The following FAM90A20 variants were observed in gnomAD, a reference collection of about 807,000 sequenced individuals.
FAM90A20 encodes family with sequence similarity 90 member A20.
the FAM90A20 span, chr8:7,297,145 A>T: frequency 6.5e-7 from 1 of 1,527,122 alleles, no homozygotes. Flanking sequence ...CAGCTACCGA[A>T]ATGTCTGGCA....
the FAM90A20 span, chr8:7,296,407 A>G: frequency 2.7e-6 from 2 of 739,534 alleles, no homozygotes; most frequent in Non-Finnish European, 4.9e-6. Context: ...GGTGAGTGTC[A>G]CCCCGGGCCC....
the FAM90A20 span, among the ~76,000 whole-genome samples, chr8:7,296,816 G>A: frequency 6.6e-5 from 9 of 136,172 alleles, 2 homozygotes; most frequent in African/African-American, 1.0e-4. Context: ...TCCAGTTAAT[G>A]CCCAAGACGC....
chr8:7,297,742 T>G, the FAM90A20 span: 1 of 1,485,372 alleles, frequency 6.7e-7, no homozygotes, highest in Non-Finnish European at 9.1e-7. Flanking sequence ...CTTGCCTGCC[T>G]ACTGCCCAGG....
chr8:7,296,594 C>A, the FAM90A20 span, among the ~76,000 whole-genome samples: 14 of 135,558 alleles, frequency 1.0e-4, 2 homozygotes, highest in Admixed American at 2.7e-4. Context: ...CTGTGGCTTT[C>A]TTTCTGTCCA....
chr8:7,297,050 C>A, the FAM90A20 span: 2 of 1,487,804 alleles, frequency 1.3e-6, no homozygotes, highest in South Asian at 1.2e-5. Flanking sequence ...TGTGTTGTTT[C>A]CTCTCTTTCA....
the FAM90A20 span, chr8:7,296,922 C>G: frequency 1.4e-6 from 1 of 703,478 alleles, no homozygotes; most frequent in South Asian, 1.7e-5. Flanking sequence ...GGTGGAGGGT[C>G]TGTCCCTACT....
the FAM90A20 span, chr8:7,296,983 C>G: frequency 2.2e-3 from 2,693 of 1,243,640 alleles, 169 homozygotes; most frequent in Non-Finnish European, 2.5e-3. Context: ...GTGTGTGCAC[C>G]TTGTCTTTGG....
chr8:7,297,799 G>A, the FAM90A20 span: 45 of 1,225,268 alleles, frequency 3.7e-5, 1 homozygote, highest in East Asian at 2.3e-5. Flanking sequence ...ATGGGGCCCA[G>A]CCTCTCAGAG....
At chr8:7,296,535 T>G in the FAM90A20 span, 8 of 619,786 alleles carry the variant, frequency 1.3e-5, 2 homozygotes, top group Middle Eastern at 8.5e-4. Flanking sequence ...CCACGATCCT[T>G]GCAGGTCAGT....
At chr8:7,297,366 A>G in the FAM90A20 span, 1 of 1,477,124 alleles carries the variant, frequency 6.8e-7, no homozygotes. Context: ...GCTGCCTCCA[A>G]AACCCACGGC....
the FAM90A20 span, chr8:7,297,444 C>G: frequency 5.1e-6 from 8 of 1,554,214 alleles, 1 homozygote; most frequent in Non-Finnish European, 6.9e-6. Context: ...CCCTGCCCAT[C>G]AGCCGCCACA....
At chr8:7,296,212 G>C in the FAM90A20 span, 1 of 661,978 alleles carries the variant, frequency 1.5e-6, no homozygotes, top group Non-Finnish European at 2.7e-6. Context: ...ACGGAATGGG[G>C]CTGGGCCCCA....
At chr8:7,298,013 G>A in the FAM90A20 span, 1 of 670,874 alleles carries the variant, frequency 1.5e-6, no homozygotes, top group Non-Finnish European at 2.5e-6. Context: ...CAGCGATTCT[G>A]ACCTGGAGTG....
the FAM90A20 span, chr8:7,295,553 A>G: frequency 2.0e-5 from 13 of 657,134 alleles, 2 homozygotes; most frequent in Admixed American, 8.3e-5. Context: ...TGAATTCACA[A>G]TCCATCCCAA....
chr8:7,296,350 C>G, the FAM90A20 span: 3 of 744,460 alleles, frequency 4.0e-6, no homozygotes, highest in Non-Finnish European at 7.3e-6. Context: ...TCCAGAGAAG[C>G]CGCTGCCGAA....
chr8:7,297,752 G>T, the FAM90A20 span: 7 of 1,481,236 alleles, frequency 4.7e-6, 1 homozygote, highest in African/African-American at 6.1e-5. Flanking sequence ...TACTGCCCAG[G>T]CCTGCACCAT....
At chr8:7,297,429 C>G in the FAM90A20 span, 48 of 1,556,016 alleles carry the variant, frequency 3.1e-5, 8 homozygotes, top group Non-Finnish European at 3.7e-5. Flanking sequence ...GCGGTGACCT[C>G]ACAGCCCTGC....
At chr8:7,296,466 C>T in the FAM90A20 span, 22 of 690,596 alleles carry the variant, frequency 3.2e-5, 2 homozygotes, top group Non-Finnish European at 5.8e-5. Flanking sequence ...CTTTCAGCTT[C>T]CCGTCTGCGG....
chr8:7,295,977 G>C, the FAM90A20 span: 4 of 525,098 alleles, frequency 7.6e-6, no homozygotes, highest in Non-Finnish European at 1.3e-5. Flanking sequence ...GTGTCCTCCG[G>C]GGTTCCACAC....
Sources: allele counts gnomAD v4.1 joint callset (sites outside exome capture counted in the v4.1 genomes callset), GRCh38; gene constraint gnomAD v4.1.1; transcripts MANE v1.5; gene names NCBI Gene and HGNC (gene_info 2026-07-23, HGNC 2026-07-21).